Variants in GRIK1 observed in about 807,000 individuals in gnomAD.
The protein encoded by GRIK1 is glutamate ionotropic receptor kainate type subunit 1.
GRIK1 carries 69 observed loss-of-function variants against 105.7 expected under a neutral mutation model. The ratio of observed to expected loss-of-function variants is 0.65; its 90% CI spans 0.54 to 0.80. The LOEUF (loss-of-function observed/expected upper bound fraction) is 0.80. Ranked by LOEUF, GRIK1 falls within the 30% of genes least tolerant of loss-of-function variation. The pLI is 0.00. For synonymous variants in GRIK1, 438 were observed against 431.3 expected, an observed-to-expected ratio of 1.02 and a Z score of -0.19; for missense variants, 1,109 against 1,167.3, an observed-to-expected ratio of 0.95 and a Z score of 0.73.
intron 15 of GRIK1, among the ~76,000 whole-genome samples, chr21:29,561,361 G>A (rs2090475380): frequency 6.6e-6 from 1 of 152,112 alleles, no homozygotes; most frequent in Non-Finnish European, 1.5e-5. Context: ...GATATTTGGG[G>A]TGAAATAATA....
At chr21:29,859,518 G>C (rs2068573431) in intron 1 of GRIK1, among the ~76,000 whole-genome samples, 1 of 152,166 alleles carries the variant, frequency 6.6e-6, no homozygotes, top group Admixed American at 6.5e-5. Context: ...ATAGTCAACA[G>C]CTAAGAAATT....
intron 1 of GRIK1, among the ~76,000 whole-genome samples, chr21:29,797,280 C>G (rs55897139): frequency 0.043 from 6,503 of 152,248 alleles, 198 homozygotes; most frequent in Non-Finnish European, 0.066. Context: ...GAGGAAGCCA[C>G]GCAGAAAGCA....
rs190436189 is a variant in GRIK1 at position 29,937,829 on chromosome 21, G to A, written c.118+1554C>T. Among the ~76,000 whole-genome samples, 280 of 149,928 alleles carry A rather than the reference G, an allele frequency of 1.9e-3. 3 individuals carry two copies. Among genetic ancestry groups the A allele is most frequent in the Non-Finnish European group, 2.9e-3 (193 of 67,670 alleles). On this transcript the variant is annotated intron_variant, in intron 1 of 17. Coordinates refer to ENST00000327783, the MANE Select transcript of GRIK1 (RefSeq NM_001330994.2). ...TTTTTTGACCAGGGTGAGTAGAGTT[G>A]ATTGCATTCCCAAAAACCCAGGATG...
chr21:29,587,440 G>A lies in GRIK1; in HGVS notation c.1719C>T (p.Pro573=), dbSNP rs201793190. 3.7e-5 allele frequency: 60 copies of A among 1,613,910 alleles called. 1 individual carries two copies. The East Asian group carries it at 1.3e-3, about 34-fold the overall frequency. The change falls in exon 12 of 18, where the codon CCC becomes CCT. Residue 573 remains proline (P), a synonymous_variant. Transcript: ENST00000327783. ...CATACATCCAAATATCTGGAGACAG[G>A]GGGTTGAGGAAGGAGAAAACGCCTG... ...TNPGVFSFLN[P]LSPDIWMYVL... is the part of the protein sequence containing the mutation.
chr21:29,781,921 C>T (rs1271804990), intron 1 of GRIK1, among the ~76,000 whole-genome samples: 10 of 150,660 alleles, frequency 6.6e-5, no homozygotes, highest in East Asian at 2.0e-4. Flanking sequence ...CCACCCGCCT[C>T]GGCCTCCCAA....
intron 7 of GRIK1, among the ~76,000 whole-genome samples, chr21:29,629,112 G>T (rs2062198573): frequency 6.6e-6 from 1 of 151,910 alleles, no homozygotes; most frequent in African/African-American, 2.4e-5. Flanking sequence ...TAGACACATA[G>T]AAATGTATTT....
chr21:29,537,703 A>G, intron 17 of GRIK1, 95 bp downstream of exon 17: 1 of 797,254 alleles, frequency 1.3e-6, no homozygotes. Context: ...AAATAGAGTT[A>G]AATTAAGTCA....
chr21:29,688,536 ACAAT>A (rs1312872837), intron 3 of GRIK1, among the ~76,000 whole-genome samples: 2 of 152,174 alleles, frequency 1.3e-5, no homozygotes, highest in African/African-American at 4.8e-5. Flanking sequence ...AAAAATTCAG[ACAAT>A]CAATGGTATT....
At chr21:29,912,130 G>A (rs551445175) in intron 1 of GRIK1, among the ~76,000 whole-genome samples, 2 of 152,170 alleles carry the variant, frequency 1.3e-5, no homozygotes, top group South Asian at 2.1e-4. Flanking sequence ...TAAGTTAAAG[G>A]TGACAGAGCA....
intron 4 of GRIK1, among the ~76,000 whole-genome samples, chr21:29,672,512 G>T (rs1311588471): frequency 6.6e-6 from 1 of 152,098 alleles, no homozygotes; most frequent in Admixed American, 6.6e-5. Context: ...GAAGAAAGAG[G>T]CATCTTTTCT....
At chr21:29,719,232 T>C (rs1346857810) in intron 1 of GRIK1, among the ~76,000 whole-genome samples, 1 of 151,546 alleles carries the variant, frequency 6.6e-6, no homozygotes, top group Non-Finnish European at 1.5e-5. Context: ...ATCTGGTATT[T>C]TTATCTAGAA....
intron 16 of GRIK1, among the ~76,000 whole-genome samples, chr21:29,539,601 G>A (rs1398835411): frequency 6.6e-6 from 1 of 152,154 alleles, no homozygotes; most frequent in African/African-American, 2.4e-5. Context: ...TATAAAGCTT[G>A]TGTGTTGCTA....
intron 16 of GRIK1, among the ~76,000 whole-genome samples, chr21:29,539,226 A>G (rs1168699923): frequency 6.6e-6 from 1 of 152,206 alleles, no homozygotes; most frequent in Non-Finnish European, 1.5e-5. Context: ...CTCACTTACT[A>G]TGGGGTTGTG....
At chr21:29,587,288 T>G in intron 12 of GRIK1, 78 bp downstream of exon 12, 1 of 842,632 alleles carries the variant, frequency 1.2e-6, no homozygotes, top group Non-Finnish European at 1.9e-6. Context: ...AAGTTCCTAA[T>G]TTTTGTCTGC....
chr21:29,548,887 A>G (rs1300028499), intron 16 of GRIK1, among the ~76,000 whole-genome samples: 7 of 152,224 alleles, frequency 4.6e-5, no homozygotes, highest in Non-Finnish European at 7.3e-5. Context: ...AAATAATTCA[A>G]TTTATAATTT....
At chr21:29,750,232 CCCTT>C (rs1471461645) in intron 1 of GRIK1, among the ~76,000 whole-genome samples, 3 of 95,868 alleles carry the variant, frequency 3.1e-5, no homozygotes, top group Non-Finnish European at 4.9e-5. Flanking sequence ...TCCCTTCCTT[CCCTT>C]CCTCCCTCCC....
intron 8 of GRIK1, among the ~76,000 whole-genome samples, chr21:29,598,043 G>A (rs947852714): frequency 3.3e-5 from 5 of 152,158 alleles, no homozygotes; most frequent in Non-Finnish European, 5.9e-5. Flanking sequence ...TTCTGTTGAG[G>A]TGATTGCTTT....
chr21:29,677,476 T>C (rs1168506732), intron 3 of GRIK1, among the ~76,000 whole-genome samples: 2 of 152,086 alleles, frequency 1.3e-5, no homozygotes, highest in Admixed American at 6.5e-5. Context: ...TCTAAACACT[T>C]GCTTTGGCCG....
chr21:29,845,299 T>C (rs1158021070), intron 1 of GRIK1, among the ~76,000 whole-genome samples: 4 of 152,204 alleles, frequency 2.6e-5, no homozygotes, highest in South Asian at 2.1e-4. Context: ...TTTATGTCTT[T>C]TACCACATTT....
Sources: gnomAD v4.1 joint callset for allele counts (sites outside exome capture counted in the v4.1 genomes callset) on GRCh38, gnomAD v4.1.1 for gene constraint, MANE v1.5 for transcripts, NCBI Gene and HGNC (gene_info 2026-07-23, HGNC 2026-07-21) for gene names.